SYT17: variants seen among roughly 807,000 people sequenced by gnomAD.
The protein encoded by SYT17 is synaptotagmin 17.
A neutral mutation model predicts 46.7 loss-of-function variants in SYT17; 22 were observed. The ratio of observed to expected loss-of-function variants is 0.47; its 90% CI spans 0.34 to 0.67. SYT17 has a LOEUF of 0.67. SYT17 is among the 30% of genes least tolerant of loss of function. SYT17 has a pLI of 0.01. For missense variants in SYT17, 519 were observed against 612.8 expected, an observed-to-expected ratio of 0.85 and a Z score of 1.62; for synonymous variants, 251 against 248.4, an observed-to-expected ratio of 1.01 and a Z score of -0.10.
chr16:19,179,653 G>C (rs113408340), intron 3 of SYT17, among the ~76,000 whole-genome samples: 10 of 152,284 alleles, frequency 6.6e-5, no homozygotes, highest in African/African-American at 2.4e-4. Flanking sequence ...TTTACAGATG[G>C]GGAAATGGAG....
intron 7 of SYT17, chr16:19,250,063 A>C: frequency 6.5e-7 from 1 of 1,533,110 alleles, no homozygotes; most frequent in Non-Finnish European, 8.7e-7. Flanking sequence ...AAAGGCAATA[A>C]AAGTAGAATG....
At chr16:19,226,852 T>C (rs527858666) in intron 7 of SYT17, among the ~76,000 whole-genome samples, 1 of 152,328 alleles carries the variant, frequency 6.6e-6, no homozygotes, top group South Asian at 2.1e-4. Flanking sequence ...AGAGCCCCCA[T>C]GGAAAGCCCT....
chr16:19,231,523 CAAAAAAAAAAAA>C (rs143448107), intron 7 of SYT17, among the ~76,000 whole-genome samples: 47 of 45,866 alleles, frequency 1.0e-3, no homozygotes, highest in African/African-American at 3.3e-3. Context: ...AACTCCATCA[CAAAAAAAAAAAA>C]AAAAAAAAAA....
At chr16:19,178,033 G>C (rs1303365666) in intron 3 of SYT17, among the ~76,000 whole-genome samples, 2 of 151,172 alleles carry the variant, frequency 1.3e-5, no homozygotes, top group South Asian at 2.1e-4. Flanking sequence ...GTATTAGTTT[G>C]TTTTCTGTTG....
intron 5 of SYT17, among the ~76,000 whole-genome samples, chr16:19,193,946 G>A (rs926019034): frequency 6.6e-6 from 1 of 152,226 alleles, no homozygotes; most frequent in African/African-American, 2.4e-5. Context: ...ACAGTAGGCA[G>A]TCAACGAAGT....
At chr16:19,209,903 C>A (rs8060339) in intron 5 of SYT17, among the ~76,000 whole-genome samples, 2,526 of 26,010 alleles carry the variant, frequency 0.097, 74 homozygotes, top group African/African-American at 0.4. Context: ...AAAACAAAAA[C>A]AACAACAACA....
chr16:19,260,816 T>C (rs997551256), intron 7 of SYT17, among the ~76,000 whole-genome samples: 2 of 152,184 alleles, frequency 1.3e-5, no homozygotes, highest in Non-Finnish European at 2.9e-5. Context: ...TTTTTAGTTA[T>C]GGATGTTTCT....
chr16:19,223,205 G>A (rs1395274662), intron 6 of SYT17, 40 bp downstream of exon 6: 2 of 1,602,902 alleles, frequency 1.2e-6, no homozygotes, highest in South Asian at 1.1e-5. Context: ...TTATTAATGG[G>A]GCATCTGTGT....
At chr16:19,257,884 T>C (rs773407094) in intron 7 of SYT17, among the ~76,000 whole-genome samples, 191 of 151,866 alleles carry the variant, frequency 1.3e-3, no homozygotes, top group Non-Finnish European at 2.2e-3. Flanking sequence ...CAAATGAGAG[T>C]CCTTCATTAC....
chr16:19,168,769 T>C lies in SYT17; in HGVS notation c.15+108T>C. The C allele has an allele frequency of 1.5e-6, 2 of 1,333,208 alleles. No homozygotes were observed. The highest frequency in any genetic ancestry group is 2.0e-6 in the Non-Finnish European group (2 of 1,011,512). 82.6% of individuals were successfully genotyped at this position (1,333,208 alleles called of 1,614,324 possible). On this transcript the variant is annotated intron_variant, in intron 1 of 7. Coordinates refer to ENST00000355377, the MANE Select transcript of SYT17 (RefSeq NM_016524.4). This position sits in a 1 kb window ranked among gnomAD's most constrained non-coding sequence, Gnocchi z 6.9. ...GGCCCACGGCTAGGCTCCCACAAAC[T>C]TGCTTCGAGAAAAAGGGTGCCCGTG...
rs775049954 is a variant in SYT17 at position 19,266,894 on chromosome 16, A to C, written c.1243A>C (p.Met415Leu). 5 of 1,613,120 alleles carry C rather than the reference A, an allele frequency of 3.1e-6. No homozygotes were observed. Among genetic ancestry groups the C allele is most frequent in the Non-Finnish European group, 4.2e-6 (5 of 1,179,782 alleles). ...TGGCTCCCTAGTTTTCGGCCACAAC[A>C]TGAAGAGCAGCAATGACTTCATCGG... ...SLVFTVFGHN[M>L]KSSNDFIGRI... Residue 415 changes from methionine (M) to leucine (L), a missense_variant, in exon 8 of 8, where the codon ATG (methionine) becomes CTG (leucine). Met to Leu is a conservative substitution (Grantham distance 15, BLOSUM62 2). Coordinates refer to ENST00000355377, the MANE Select transcript of SYT17 (RefSeq NM_016524.4).
intron 7 of SYT17, among the ~76,000 whole-genome samples, chr16:19,242,983 G>A (rs1967247523): frequency 6.6e-6 from 1 of 152,134 alleles, no homozygotes; most frequent in African/African-American, 2.4e-5. Context: ...GATGCTCAGT[G>A]GGTGTAATTT....
chr16:19,203,181 T>A (rs984158855), intron 5 of SYT17, among the ~76,000 whole-genome samples: 6 of 151,960 alleles, frequency 3.9e-5, no homozygotes, highest in Non-Finnish European at 8.8e-5. Flanking sequence ...GCTGTGAAGA[T>A]TAAAGGGGAA....
In SYT17 at chr16:19,265,833, T is replaced by G. The variant is rs139623622; in HGVS notation, c.1229-1047T>G. On this transcript the variant is annotated intron_variant, in intron 7 of 7. Coordinates refer to ENST00000355377, the MANE Select transcript of SYT17 (RefSeq NM_016524.4). ...TTGAAAGACACAAATTAAGCTGAAG[T>G]TGGGATTAACAGAGAAGCCTTTCAA... is the stretch of plus-strand genomic sequence containing the variant. Among the ~76,000 whole-genome samples the G allele has an allele frequency of 3.9e-3, 601 of 152,184 alleles. 4 individuals carry two copies. Among genetic ancestry groups the G allele is most frequent in the Middle Eastern group, 0.014 (4 of 294 alleles).
chr16:19,189,443 C>A (rs1021003966), intron 5 of SYT17, among the ~76,000 whole-genome samples: 4 of 151,530 alleles, frequency 2.6e-5, no homozygotes, highest in African/African-American at 9.7e-5. Flanking sequence ...TGGGCTCAAG[C>A]AATCCTCCTA....
At chr16:19,177,942 TAG>T (rs1309878763) in intron 3 of SYT17, among the ~76,000 whole-genome samples, 1 of 152,232 alleles carries the variant, frequency 6.6e-6, no homozygotes, top group Non-Finnish European at 1.5e-5. Flanking sequence ...GTGTGCCATT[TAG>T]AGTTTAGCAT....
intron 5 of SYT17, among the ~76,000 whole-genome samples, chr16:19,207,965 T>A (rs924656352): frequency 2.0e-5 from 3 of 151,986 alleles, no homozygotes; most frequent in Admixed American, 1.3e-4. Context: ...CAGACCAAAA[T>A]CAAATCCTGA....
chr16:19,225,426 G>A (rs1966466670), intron 7 of SYT17, among the ~76,000 whole-genome samples: 1 of 152,142 alleles, frequency 6.6e-6, no homozygotes, highest in Admixed American at 6.5e-5. Context: ...ATCTAATGTA[G>A]TATTTCCAGG....
chr16:19,169,850 A>G (rs1354380476), intron 1 of SYT17: 1 of 152,194 alleles, frequency 6.6e-6, no homozygotes, highest in Non-Finnish European at 1.5e-5. Context: ...CTGGGGATAC[A>G]GTGATGAAAA....
Sources: gnomAD v4.1 joint callset for allele counts (sites outside exome capture counted in the v4.1 genomes callset) on GRCh38, gnomAD v4.1.1 for gene constraint, Gnocchi (gnomAD v3.1) non-coding constraint, MANE v1.5 for transcripts, NCBI Gene and HGNC (gene_info 2026-07-23, HGNC 2026-07-21) for gene names.